The following TRPM5 variants were observed in gnomAD, a reference collection of about 807,000 sequenced individuals.
TRPM5 encodes MLSN1 and TRP-related.
Under a neutral mutation model 124.9 loss-of-function variants are expected in TRPM5, and 121 were observed. That is an observed-to-expected ratio of 0.97 (90% CI 0.84 to 1.13). TRPM5 has a LOEUF of 1.13. TRPM5 is among the 50% of genes most tolerant of loss of function. TRPM5 has a pLI of 0.00. For synonymous variants in TRPM5, 781 were observed against 700.5 expected (o/e 1.11, Z -1.81); for missense variants, 1,643 against 1,589.1 (o/e 1.03, Z -0.58).
chr11:2,435,504 C>T, the TRPM5 span, among the ~76,000 whole-genome samples: 3 of 151,946 alleles, frequency 2.0e-5, no homozygotes, highest in Admixed American at 6.5e-5. The surrounding 1 kb of genome is among the most constrained non-coding windows in gnomAD (Gnocchi z 4.1). Context: ...TCCCTCCATC[C>T]GTCCATCTGT....
chr11:2,410,621 A>G (rs1272183580), intron 18 of TRPM5: 2 of 440,064 alleles, frequency 4.5e-6, no homozygotes, highest in Non-Finnish European at 4.6e-6. Context: ...CCACCAACCC[A>G]TCACTACAGA....
At chr11:2,432,491 G>A in the TRPM5 span, among the ~76,000 whole-genome samples, 4 of 152,200 alleles carry the variant, frequency 2.6e-5, no homozygotes, top group African/African-American at 4.8e-5. Flanking sequence ...CCTGCCATGC[G>A]AGGCTGGGCC....
At chr11:2,407,689 C>T (rs1047207067) in intron 19 of TRPM5, 70 bp downstream of exon 24, 25 of 1,565,060 alleles carry the variant, frequency 1.6e-5, no homozygotes, top group Admixed American at 1.4e-4. Flanking sequence ...GCAAAGGAGG[C>T]GGTGTTGGGG....
At chr11:2,406,997 T>C (rs904618218) in intron 20 of TRPM5, 122 bp downstream of exon 25, 3 of 1,342,976 alleles carry the variant, frequency 2.2e-6, no homozygotes, top group Non-Finnish European at 2.0e-6. Flanking sequence ...AGAGCCCAGC[T>C]GAGGACCCAC....
Position 2,417,725 on chromosome 11 carries a change from A to AC in TRPM5, c.1009+1dup. 2.1e-6 allele frequency: 1 copy of AC among 469,048 alleles called. No individual in the cohort carries two copies. The allele number at this position is 469,048 out of a possible 1,614,324, so 29.1% of individuals were successfully genotyped here. A position where few individuals can be genotyped will look rare whatever the true frequency, so the allele number is the denominator to read the frequency against. On this transcript the variant is annotated splice_donor_variant, in intron 7 of 23. Transcript: ENST00000155858. LOFTEE classifies it high-confidence loss of function. Reference sequence around the variant, plus strand: ...TGCCTTGCCCACCCTGCCCGCCCTCACCTTTCACCAGCGCCTTCAGGATGA... The same window carrying AC: ...TGCCTTGCCCACCCTGCCCGCCCTCACCCTTTCACCAGCGCCTTCAGGATGA...
intron 15 of TRPM5, 80 bp from the exon 21 acceptor site, chr11:2,412,333 C>T: frequency 3.5e-6 from 4 of 1,151,358 alleles, no homozygotes; most frequent in East Asian, 2.3e-5. Flanking sequence ...AAGCTTGGAT[C>T]TGTAAGGATC....
exon 3 of TRPM5, chr11:2,421,040 C>T: frequency 6.5e-7 from 1 of 1,543,094 alleles, no homozygotes; most frequent in Admixed American, 2.0e-5. Flanking sequence ...ACCTGGGCCT[C>T]CTCCAGAATG....
chr11:2,417,303 A>G (rs1347784850), intron 7 of TRPM5, among the ~76,000 whole-genome samples: 1 of 152,048 alleles, frequency 6.6e-6, no homozygotes, highest in Non-Finnish European at 1.5e-5. Context: ...TACAAAAACA[A>G]AATTAGCCGG....
intron 15 of TRPM5, 60 bp downstream of exon 20, chr11:2,412,694 T>C: frequency 1.3e-6 from 2 of 1,503,024 alleles, no homozygotes; most frequent in Non-Finnish European, 1.8e-6. Context: ...AGGACCCAGC[T>C]TAGGTTGCCC....
the TRPM5 span, among the ~76,000 whole-genome samples, chr11:2,428,861 ATGG>A: frequency 7.6e-6 from 1 of 131,474 alleles, no homozygotes; most frequent in South Asian, 2.5e-4. This position sits in a 1 kb window ranked among gnomAD's most constrained non-coding sequence, Gnocchi z 4.0. Context: ...AGTGTTGATC[ATGG>A]TGGTGGTAGT....
chr11:2,435,812 C>G, the TRPM5 span, among the ~76,000 whole-genome samples: 1 of 152,238 alleles, frequency 6.6e-6, no homozygotes, highest in Non-Finnish European at 1.5e-5. This position sits in a 1 kb window ranked among gnomAD's most constrained non-coding sequence, Gnocchi z 4.1. Flanking sequence ...CATCACTTCA[C>G]CCACCTGTTT....
intron 20 of TRPM5, among the ~76,000 whole-genome samples, 157 bp downstream of exon 25, chr11:2,406,962 C>T (rs985604559): frequency 2.0e-5 from 3 of 152,180 alleles, no homozygotes; most frequent in Non-Finnish European, 4.4e-5. Flanking sequence ...TGCGGGTGGA[C>T]GGGCTCAGCT....
chr11:2,417,925 C>T, intron 6 of TRPM5, 96 bp from the exon 12 acceptor site: 2 of 1,241,920 alleles, frequency 1.6e-6, no homozygotes, highest in Non-Finnish European at 2.3e-6. Context: ...AGGCAGCGTC[C>T]CCAGGTGAGC....
chr11:2,405,013 A>T, exon 24 of TRPM5: 1 of 1,612,792 alleles, frequency 6.2e-7, no homozygotes, highest in Non-Finnish European at 8.5e-7. Context: ...AGCAGCCACC[A>T]GCTGGCTTCC....
At chr11:2,414,579 T>A (rs4930102) in intron 11 of TRPM5, 136 bp downstream of exon 16, 1 of 1,262,464 alleles carries the variant, frequency 7.9e-7, no homozygotes, top group Non-Finnish European at 1.1e-6. Flanking sequence ...TCCTCTCCTA[T>A]GGAGGAGGCC....
At chr11:2,409,728 A>G (rs986119027) in intron 18 of TRPM5, among the ~76,000 whole-genome samples, 2 of 152,064 alleles carry the variant, frequency 1.3e-5, no homozygotes, top group East Asian at 3.9e-4. Flanking sequence ...ACGGAGCCCA[A>G]GGAATTGCAG....
intron 3 of TRPM5, 46 bp from the exon 9 acceptor site, chr11:2,420,451 T>C: frequency 1.3e-6 from 2 of 1,485,888 alleles, no homozygotes; most frequent in Non-Finnish European, 1.8e-6. Flanking sequence ...AGAGGCAGCT[T>C]GGGCTGGTCC....
upstream of TRPM5, among the ~76,000 whole-genome samples, chr11:2,424,334 T>A (rs755781687): frequency 1.2e-4 from 18 of 152,286 alleles, no homozygotes; most frequent in Non-Finnish European, 2.4e-4. Flanking sequence ...GGGGCTGGCT[T>A]TGGGGCAGAG....
intron 18 of TRPM5, 74 bp downstream of exon 23, chr11:2,411,278 G>C (rs1850445426): frequency 6.9e-7 from 1 of 1,450,384 alleles, no homozygotes. Context: ...TCTCTGGAGA[G>C]CCTCATGCCC....
Sources: gnomAD v4.1 joint callset for allele counts (sites outside exome capture counted in the v4.1 genomes callset) on GRCh38, gnomAD v4.1.1 for gene constraint, Gnocchi (gnomAD v3.1) non-coding constraint, MANE v1.5 for transcripts, NCBI Gene and HGNC (gene_info 2026-07-23, HGNC 2026-07-21) for gene names.